GLT6D1: variants seen among roughly 807,000 people sequenced by gnomAD.
GLT6D1 encodes putative glycosyltransferase 6 domain-containing protein 1.
Under a neutral mutation model 12.3 loss-of-function variants are expected in GLT6D1, and 9 were observed. The ratio of observed to expected loss-of-function variants is 0.73; its 90% confidence interval spans 0.44 to 1.27. The LOEUF (loss-of-function observed/expected upper bound fraction) is 1.27. GLT6D1 is among the 50% of genes most tolerant of loss of function. GLT6D1 has a pLI of 0.00. For missense variants in GLT6D1, 335 were observed against 346.2 expected, an observed-to-expected ratio of 0.97 and a Z score of 0.26; for synonymous variants, 128 against 132.3, an observed-to-expected ratio of 0.97 and a Z score of 0.23.
At chr9:135,632,777 C>T (rs575167670) in intron 2 of GLT6D1, among the ~76,000 whole-genome samples, 3 of 151,996 alleles carry the variant, frequency 2.0e-5, no homozygotes, top group East Asian at 3.9e-4. Context: ...AAGTGATTCT[C>T]CTGCCTCAGC....
rs1361233883 is a variant in GLT6D1 at position 135,623,843 on chromosome 9, C to T, written c.*254G>A. On this transcript the variant is annotated 3_prime_UTR_variant, in exon 5 of 5. Transcript: ENST00000371763. ...AATTATCCTTTTATTCTTTATCCTA[C>T]ATTAGCCAAATAAGATGGCTCAAAA... is the stretch of plus-strand genomic sequence containing the variant. 15 of 417,570 alleles carry T rather than the reference C, an allele frequency of 3.6e-5. No homozygotes were observed. The East Asian group carries it at 6.3e-4, about 18-fold the overall frequency. 25.9% of individuals were successfully genotyped at this position (417,570 alleles called of 1,614,324 possible).
At chr9:135,634,670 A>G (rs1833729467) in intron 2 of GLT6D1, among the ~76,000 whole-genome samples, 1 of 151,490 alleles carries the variant, frequency 6.6e-6, no homozygotes, top group Admixed American at 6.6e-5. Flanking sequence ...TGTTAACGAG[A>G]GTCCATACTT....
At chr9:135,624,963 C>A (rs937433179) in intron 4 of GLT6D1, among the ~76,000 whole-genome samples, 1 of 148,616 alleles carries the variant, frequency 6.7e-6, no homozygotes, top group Non-Finnish European at 1.5e-5. Context: ...AGGCTGGTCT[C>A]GAACTCCTGA....
In GLT6D1 at chr9:135,626,148, T is replaced by G; in HGVS notation, c.178A>C (p.Thr60Pro). The G allele has an allele frequency of 6.2e-7, 1 of 1,613,968 alleles. No homozygotes were observed. Among genetic ancestry groups the G allele is most frequent in the Middle Eastern group, 1.7e-4 (1 of 5,942 alleles). The change falls in exon 4 of 5, where the codon ACT (threonine) becomes CCT (proline). Residue 60 changes from threonine (T) to proline (P), a missense_variant. By Grantham distance (38) the Thr-to-Pro change is conservative. Transcript: ENST00000371763. ...DWLAPVLWEG[T>P]FDRRVLEKHY... The stretch of plus-strand genomic sequence containing the variant: ...TTTTCCAGGACCCGCCTGTCGAAAG[T>G]CCCTTCCCATAGGACAGGAGCGAGC...
chr9:135,635,850 C>T, intron 2 of GLT6D1, among the ~76,000 whole-genome samples: 1 of 152,252 alleles, frequency 6.6e-6, no homozygotes, highest in East Asian at 1.9e-4. Flanking sequence ...ACGTGGATCA[C>T]TGTGGCCCCC....
chr9:135,624,341 G>A lies in GLT6D1; in HGVS notation c.587C>T (p.Ala196Val), dbSNP rs370793093. ...CTTGGTGTTTCTGAAATACCACCAGGCGTGGAGCTGGGCCACCAACGGGCC... is the reference window on the plus strand; with the variant it reads ...CTTGGTGTTTCTGAAATACCACCAGACGTGGAGCTGGGCCACCAACGGGCC... ...TLGPLVAQLH[A>V]WWYFRNTKNF... The change falls in exon 5 of 5, where the codon GCC (alanine) becomes GTC (valine). Residue 196 changes from alanine (A) to valine (V), a missense_variant. Physicochemically the swap from Ala to Val is moderately conservative, Grantham distance 64. Coordinates refer to ENST00000371763, the MANE Select transcript of GLT6D1 (RefSeq NM_182974.3). 5.6e-5 allele frequency: 90 copies of A among 1,613,074 alleles called. No individual in the cohort carries two copies. The highest frequency in any genetic ancestry group is 7.0e-5 in the Non-Finnish European group (82 of 1,179,466).
intron 3 of GLT6D1, among the ~76,000 whole-genome samples, 161 bp downstream of exon 3, chr9:135,631,270 T>C (rs1321351768): frequency 1.3e-5 from 2 of 152,208 alleles, no homozygotes; most frequent in Admixed American, 6.5e-5. Context: ...TGGTTCTTGA[T>C]CAACAGACCC....
At chr9:135,636,536 T>C (rs933235564) in intron 2 of GLT6D1, among the ~76,000 whole-genome samples, 5 of 152,202 alleles carry the variant, frequency 3.3e-5, no homozygotes, top group African/African-American at 1.2e-4. Context: ...TTTACATATG[T>C]TAATTTCACT....
chr9:135,628,282 A>AT (rs568722549), intron 3 of GLT6D1, among the ~76,000 whole-genome samples: 264 of 151,990 alleles, frequency 1.7e-3, no homozygotes, highest in African/African-American at 5.7e-3. Context: ...GGGTATTTAT[A>AT]TTTTTTTAAG....
chr9:135,629,568 A>G (rs1373028925), intron 3 of GLT6D1, among the ~76,000 whole-genome samples: 1 of 151,890 alleles, frequency 6.6e-6, no homozygotes, highest in African/African-American at 2.4e-5. Flanking sequence ...TGCACTTGAG[A>G]GTATTCTTCT....
intron 2 of GLT6D1, among the ~76,000 whole-genome samples, chr9:135,634,713 C>T (rs1402661019): frequency 1.3e-5 from 2 of 150,190 alleles, no homozygotes; most frequent in African/African-American, 4.9e-5. Flanking sequence ...CCTAATGTCT[C>T]TTTTTTTTTC....
chr9:135,632,817 G>A (rs758802874), intron 2 of GLT6D1, among the ~76,000 whole-genome samples: 7 of 152,048 alleles, frequency 4.6e-5, no homozygotes, highest in African/African-American at 1.2e-4. Context: ...ACAGGCACAC[G>A]CCACCACACC....
intron 3 of GLT6D1, among the ~76,000 whole-genome samples, chr9:135,628,214 T>C (rs1225712858): frequency 6.6e-6 from 1 of 152,130 alleles, no homozygotes; most frequent in Non-Finnish European, 1.5e-5. Context: ...TATTTTTTAT[T>C]GTTGTTGTAC....
intron 2 of GLT6D1, among the ~76,000 whole-genome samples, chr9:135,637,169 T>C (rs770507387): frequency 2.0e-4 from 30 of 151,660 alleles, no homozygotes; most frequent in Non-Finnish European, 3.5e-4. Context: ...TTCTTTTTAC[T>C]GTTGGGTGTT....
intron 2 of GLT6D1, among the ~76,000 whole-genome samples, chr9:135,632,453 T>C (rs1026544482): frequency 6.6e-6 from 1 of 152,160 alleles, no homozygotes; most frequent in Admixed American, 6.5e-5. Flanking sequence ...CATGATTGGA[T>C]TCCCCAGGCG....
intron 3 of GLT6D1, among the ~76,000 whole-genome samples, chr9:135,629,838 C>A (rs889988167): frequency 2.0e-4 from 30 of 151,936 alleles, no homozygotes; most frequent in African/African-American, 6.3e-4. Flanking sequence ...TTATAAAATG[C>A]CCCATTTTTT....
Position 135,623,939 on chromosome 9 carries a change from C to T in GLT6D1, c.*158G>A. Reference sequence around the variant, plus strand: ...CTCTAAAAAATGGAAGGTCTTAAGACTTCCCTCATTTATAAGAAATTGCCG... The same window carrying T: ...CTCTAAAAAATGGAAGGTCTTAAGATTTCCCTCATTTATAAGAAATTGCCG... On this transcript the variant is annotated 3_prime_UTR_variant, in exon 5 of 5. Coordinates refer to ENST00000371763, the MANE Select transcript of GLT6D1 (RefSeq NM_182974.3). The T allele has an allele frequency of 6.9e-6, 4 of 577,924 alleles. No individual in the cohort carries two copies. The highest frequency in any genetic ancestry group is 1.2e-5 in the Non-Finnish European group (4 of 328,376). 35.8% of individuals were successfully genotyped at this position (577,924 alleles called of 1,614,324 possible).
chr9:135,635,817 G>A (rs1164718827), intron 2 of GLT6D1, among the ~76,000 whole-genome samples: 1 of 152,200 alleles, frequency 6.6e-6, no homozygotes, highest in African/African-American at 2.4e-5. Flanking sequence ...TCACGCTGAG[G>A]TCTCCAGCTT....
intron 2 of GLT6D1, among the ~76,000 whole-genome samples, chr9:135,632,666 AT>A (rs5901081): frequency 0.48 from 66,737 of 138,176 alleles, 15,888 homozygotes; most frequent in East Asian, 0.6. Context: ...CTCGACAGAG[AT>A]TTTTTTTTTT....
Sources: gnomAD v4.1 joint callset for allele counts (sites outside exome capture counted in the v4.1 genomes callset) on GRCh38, gnomAD v4.1.1 for gene constraint, MANE v1.5 for transcripts, NCBI Gene and HGNC (gene_info 2026-07-23, HGNC 2026-07-21) for gene names.